The following VGLL4 variants were observed in gnomAD, a reference collection of about 807,000 sequenced individuals.
VGLL4 encodes transcription cofactor vestigial-like protein 4.
A neutral mutation model predicts 21.0 loss-of-function variants in VGLL4; 7 were observed. The ratio of observed to expected loss-of-function variants is 0.33; its 90% CI spans 0.19 to 0.63. VGLL4 has a LOEUF of 0.63. VGLL4 is among the 20% of genes least tolerant of loss of function. The probability of loss-of-function intolerance (pLI) is 0.78; values close to 1 mark genes in which losing one functional copy is unlikely to be tolerated. For missense variants in VGLL4, 394 were observed against 425.7 expected (o/e 0.93, Z 0.66); for synonymous variants, 222 against 173.2 (o/e 1.28, Z -2.21).
chr3:11,689,302 C>T (rs540211172), intron 2 of VGLL4, among the ~76,000 whole-genome samples: 2 of 152,242 alleles, frequency 1.3e-5, no homozygotes, highest in Admixed American at 1.3e-4. Context: ...TGGGGTTGAC[C>T]TCCATGCCTG....
At chr3:11,624,514 CGTCT>C (rs2075318447) in intron 1 of VGLL4, among the ~76,000 whole-genome samples, 2 of 152,096 alleles carry the variant, frequency 1.3e-5, no homozygotes, top group Admixed American at 1.3e-4. Flanking sequence ...CAAATAATGA[CGTCT>C]TTCTCTAATT....
intron 2 of VGLL4, among the ~76,000 whole-genome samples, chr3:11,589,018 G>T (rs1447734760): frequency 6.6e-6 from 1 of 152,178 alleles, no homozygotes; most frequent in East Asian, 1.9e-4. Context: ...ACGAGTCTCT[G>T]GAAGATCCTG....
At chr3:11,707,584 T>C (rs2076780658) in intron 1 of VGLL4, among the ~76,000 whole-genome samples, 1 of 150,890 alleles carries the variant, frequency 6.6e-6, no homozygotes, top group Admixed American at 6.6e-5. Flanking sequence ...GTGTGGTGGC[T>C]CAGCCATGTA....
At position 11,665,101 on chromosome 3, in the gene VGLL4, CTTTTT is replaced by C. The variant is rs59999510; in HGVS notation, c.64+37865_64+37869del. 6.2e-5 allele frequency among the ~76,000 whole-genome samples: 6 copies of C among 96,950 alleles called. 1 individual carries two copies. Among genetic ancestry groups the C allele is most frequent in the African/African-American group, 1.5e-4 (3 of 20,474 alleles). 63.6% of individuals were successfully genotyped at this position (96,950 alleles called of 152,430 possible). A position where few individuals can be genotyped will look rare whatever the true frequency, so the allele number is the denominator to read the frequency against. On this transcript the variant is annotated intron_variant, in intron 2 of 5. Transcript: ENST00000273038. ...AAATGAAAGCAATTTGAATATTTTT[CTTTTT>C]TTTTTTTTTTTTTTTTTTTTTTTTT...
At chr3:11,618,405 T>C (rs1261389973) in intron 1 of VGLL4, among the ~76,000 whole-genome samples, 1 of 152,172 alleles carries the variant, frequency 6.6e-6, no homozygotes, top group African/African-American at 2.4e-5. Context: ...TTAAAATATT[T>C]ATTGGAGAGT....
intron 1 of VGLL4, among the ~76,000 whole-genome samples, chr3:11,637,980 AG>A (rs2075619678): frequency 6.6e-6 from 1 of 152,248 alleles, no homozygotes. Context: ...AATAAACGTC[AG>A]ATACTTTGAG....
chr3:11,651,141 G>A (rs112693666), intron 2 of VGLL4, among the ~76,000 whole-genome samples: 43 of 152,074 alleles, frequency 2.8e-4, no homozygotes, highest in African/African-American at 1.0e-3. Context: ...TCAGGAGTTC[G>A]GGACCAGCCT....
intron 1 of VGLL4, among the ~76,000 whole-genome samples, chr3:11,642,313 GTTT>G (rs559808984): frequency 1.3e-5 from 2 of 151,856 alleles, no homozygotes; most frequent in African/African-American, 4.8e-5. Context: ...GGTTGTTGTT[GTTT>G]TTTTTCCTTG....
intron 2 of VGLL4, among the ~76,000 whole-genome samples, chr3:11,678,634 A>G (rs2076327591): frequency 6.6e-6 from 1 of 152,240 alleles, no homozygotes; most frequent in African/African-American, 2.4e-5. Context: ...TCGAGGCTGC[A>G]GTGAGCCATG....
chr3:11,590,667 T>C (rs1179177030), intron 2 of VGLL4, among the ~76,000 whole-genome samples: 2 of 65,986 alleles, frequency 3.0e-5, no homozygotes, highest in Non-Finnish European at 5.3e-5. Context: ...ATGAAGAGTG[T>C]GTGTGTGTGT....
chr3:11,671,655 T>C (rs897637279), intron 2 of VGLL4, among the ~76,000 whole-genome samples: 1 of 152,130 alleles, frequency 6.6e-6, no homozygotes, highest in East Asian at 1.9e-4. Flanking sequence ...GGGTCAACTG[T>C]ATATGCCAGG....
chr3:11,621,664 T>C lies in VGLL4; in HGVS notation c.83-19642A>G, dbSNP rs181429685. Among the ~76,000 whole-genome samples, 44 of 152,368 alleles carry C rather than the reference T, an allele frequency of 2.9e-4. 1 individual carries two copies. Among genetic ancestry groups the C allele is most frequent in the Non-Finnish European group, 5.9e-5 (4 of 68,036 alleles). On this transcript the variant is annotated intron_variant, in intron 1 of 4. Coordinates refer to ENST00000430365, the MANE Select transcript of VGLL4 (RefSeq NM_001128219.3). Reference sequence around the variant, plus strand: ...CAGATTTTTACAGGGATGTTTTCAATTCTCCAGTATGTACCTAGGAGTAGA... The same window carrying C: ...CAGATTTTTACAGGGATGTTTTCAACTCTCCAGTATGTACCTAGGAGTAGA...
intron 2 of VGLL4, among the ~76,000 whole-genome samples, chr3:11,684,706 C>G (rs2076420062): frequency 6.7e-6 from 1 of 149,232 alleles, no homozygotes; most frequent in Non-Finnish European, 1.5e-5. Context: ...TTCCAAATAA[C>G]TGGCCAACTG....
intron 3 of VGLL4, among the ~76,000 whole-genome samples, chr3:11,563,685 G>A (rs1004924977): frequency 5.3e-5 from 8 of 152,236 alleles, no homozygotes; most frequent in Admixed American, 5.2e-4. Context: ...GACTAAAACT[G>A]AGCGTGCTGA....
intron 2 of VGLL4, among the ~76,000 whole-genome samples, chr3:11,587,853 G>A (rs1345853874): frequency 6.6e-6 from 1 of 152,190 alleles, no homozygotes; most frequent in Non-Finnish European, 1.5e-5. Context: ...GAAACCTGGG[G>A]GGCTTCTTAC....
chr3:11,652,624 T>C (rs1421450887), intron 2 of VGLL4, among the ~76,000 whole-genome samples: 2 of 152,338 alleles, frequency 1.3e-5, no homozygotes, highest in Admixed American at 6.5e-5. Context: ...TTTCACCATG[T>C]TGGACAGGTT....
chr3:11,584,252 G>T (rs1325491429), intron 2 of VGLL4, among the ~76,000 whole-genome samples: 4 of 151,978 alleles, frequency 2.6e-5, no homozygotes, highest in Non-Finnish European at 5.9e-5. Flanking sequence ...AAAAGACAAG[G>T]TATAAACAAC....
At chr3:11,601,754 G>C in intron 2 of VGLL4, 79 bp downstream of exon 2, 1 of 1,474,534 alleles carries the variant, frequency 6.8e-7, no homozygotes. Flanking sequence ...GATAACATCA[G>C]AATTAGCACA....
At chr3:11,684,656 C>T (rs13060868) in intron 2 of VGLL4, among the ~76,000 whole-genome samples, 75,378 of 151,806 alleles carry the variant, frequency 0.5, 19,862 homozygotes, top group Non-Finnish European at 0.6. Flanking sequence ...GCTGGGATTA[C>T]AGATGTGAGC....
Sources: gnomAD v4.1 joint callset for allele counts (sites outside exome capture counted in the v4.1 genomes callset) on GRCh38, gnomAD v4.1.1 for gene constraint, MANE v1.5 for transcripts, NCBI Gene and HGNC (gene_info 2026-07-23, HGNC 2026-07-21) for gene names.